CELF2: variants seen among roughly 807,000 people sequenced by gnomAD.
CELF2 encodes the protein CUGBP Elav-like family member 2, also known as CUG triplet repeat RNA-binding protein 2.
CELF2 carries 8 observed loss-of-function variants against 62.6 expected under a neutral mutation model. That is an observed-to-expected ratio of 0.13 (90% CI 0.07 to 0.23). The LOEUF (loss-of-function observed/expected upper bound fraction) is 0.23, where lower values mean the gene tolerates loss of function less well. CELF2 is among the 10% of genes least tolerant of loss of function. The probability of loss-of-function intolerance (pLI) is 1.00; values close to 1 mark genes in which losing one functional copy is unlikely to be tolerated. For synonymous variants in CELF2, 258 were observed against 250.0 expected (o/e 1.03, Z -0.30); for missense variants, 333 against 671.0 (o/e 0.50, Z 5.56).
chr10:10,646,331 A>G, the CELF2 span, among the ~76,000 whole-genome samples: 1 of 152,256 alleles, frequency 6.6e-6, no homozygotes, highest in South Asian at 2.1e-4. Flanking sequence ...TGCCTGGGAC[A>G]AATGGAAATC....
upstream of CELF2, among the ~76,000 whole-genome samples, chr10:10,794,366 T>C (rs964739493): frequency 6.6e-6 from 1 of 152,048 alleles, no homozygotes; most frequent in South Asian, 2.1e-4. Flanking sequence ...GAAAAAAAAC[T>C]AGGATAACCA....
chr10:10,522,923 T>C, the CELF2 span, among the ~76,000 whole-genome samples: 1 of 152,174 alleles, frequency 6.6e-6, no homozygotes, highest in South Asian at 2.1e-4. Flanking sequence ...GGAAGGCATT[T>C]AGTATGTGGT....
the CELF2 span, among the ~76,000 whole-genome samples, chr10:10,587,784 A>G: frequency 6.6e-6 from 1 of 152,134 alleles, no homozygotes; most frequent in Non-Finnish European, 1.5e-5. Flanking sequence ...TAATTTTACT[A>G]CTAAAGAAGC....
At chr10:11,155,366 C>G (rs1421280415) in intron 1 of CELF2, among the ~76,000 whole-genome samples, 4 of 152,098 alleles carry the variant, frequency 2.6e-5, no homozygotes, top group African/African-American at 9.7e-5. Context: ...GGTGTCTGCC[C>G]TCATCATGAC....
In CELF2 at chr10:11,165,037, CG is replaced by C. The variant is rs377055310; in HGVS notation, c.75-447del. 113 of 977,472 alleles carry C rather than the reference CG, an allele frequency of 1.2e-4. No homozygotes were observed. In the African/African-American group the frequency reaches 1.7e-3, roughly 15 times the overall value. The allele number at this position is 977,472 out of a possible 1,614,324, so 60.5% of individuals were successfully genotyped here. Reference sequence around the variant, plus strand: ...TCTTCCAAAAACCTCCCAAAAAGGGCGGTGGGGCGGGGGGCGGGGCAGGGAG... The same window carrying C: ...TCTTCCAAAAACCTCCCAAAAAGGGCGTGGGGCGGGGGGCGGGGCAGGGAG... On this transcript the variant is annotated intron_variant, in intron 1 of 12. Transcript: ENST00000633077. The surrounding 1 kb of genome is among the most constrained non-coding windows in gnomAD (Gnocchi z 7.4).
rs764299134 is a variant in CELF2 at position 11,227,787 on chromosome 10, G to A, written c.354+10280G>A. ...CTGGCACTTTCTACAACACTGTCAC[G>A]CATCAGGGACGAGGGTACCGAGTGA... On this transcript the variant is annotated intron_variant, in intron 3 of 12. Transcript: ENST00000633077. The surrounding 1 kb of genome is among the most constrained non-coding windows in gnomAD (Gnocchi z 4.8). Among the ~76,000 whole-genome samples the A allele has an allele frequency of 3.9e-5, 6 of 152,152 alleles. No homozygotes were observed. Among genetic ancestry groups the A allele is most frequent in the African/African-American group, 1.2e-4 (5 of 41,420 alleles).
At chr10:10,981,848 G>A (rs566177914) in intron 2 of CELF2, among the ~76,000 whole-genome samples, 1 of 152,054 alleles carries the variant, frequency 6.6e-6, no homozygotes, top group Non-Finnish European at 1.5e-5. Flanking sequence ...AGAAAACCGA[G>A]GCTTAGAAAG....
chr10:10,874,688 T>A (rs1310869023), intron 1 of CELF2, among the ~76,000 whole-genome samples: 1 of 152,176 alleles, frequency 6.6e-6, no homozygotes, highest in African/African-American at 2.4e-5. Flanking sequence ...TAATGGGAAG[T>A]CGTGAAATTC....
intron 2 of CELF2, among the ~76,000 whole-genome samples, chr10:10,930,189 T>G (rs2065924605): frequency 6.6e-6 from 1 of 152,226 alleles, no homozygotes; most frequent in South Asian, 2.1e-4. Flanking sequence ...AGTTACTCAC[T>G]GTGTGACCTA....
chr10:10,621,294 A>T, the CELF2 span, among the ~76,000 whole-genome samples: 5 of 151,734 alleles, frequency 3.3e-5, no homozygotes, highest in Non-Finnish European at 7.4e-5. Flanking sequence ...CAGATCCAAA[A>T]AACCTAATAT....
intron 1 of CELF2, among the ~76,000 whole-genome samples, chr10:11,067,101 T>C (rs2068378992): frequency 6.6e-6 from 1 of 152,218 alleles, no homozygotes; most frequent in Non-Finnish European, 1.5e-5. Context: ...AGCTTTTTTA[T>C]GTCTTTTAGC....
intron 1 of CELF2, among the ~76,000 whole-genome samples, chr10:10,861,256 T>C (rs1482060112): frequency 6.6e-6 from 1 of 152,060 alleles, no homozygotes; most frequent in Non-Finnish European, 1.5e-5. Context: ...TAACTTCTTG[T>C]AGAGATGGAA....
chr10:11,212,459 C>T (rs2062098728), intron 2 of CELF2, among the ~76,000 whole-genome samples: 1 of 152,242 alleles, frequency 6.6e-6, no homozygotes, highest in Non-Finnish European at 1.5e-5. Flanking sequence ...AGCAGAATCA[C>T]AGTGATGTGT....
Position 10,942,013 on chromosome 10 carries a change from C to G in CELF2, c.89+22014C>G, listed in dbSNP as rs182938692. Among the ~76,000 whole-genome samples the G allele has an allele frequency of 1.3e-3, 181 of 140,738 alleles. 1 individual carries two copies. The highest frequency in any genetic ancestry group is 4.7e-3 in the African/African-American group (178 of 37,724). 92.3% of individuals were successfully genotyped at this position (140,738 alleles called of 152,430 possible). On this transcript the variant is annotated intron_variant, in intron 2 of 13. Coordinates refer to the CELF2 transcript ENST00000636488. ...TCTCAAAAAAAAAAAAAAAAAAAATCAAAAGTTAATAATCTTCATAACATC... is the reference window on the plus strand; with the variant it reads ...TCTCAAAAAAAAAAAAAAAAAAAATGAAAAGTTAATAATCTTCATAACATC...
intron 2 of CELF2, among the ~76,000 whole-genome samples, chr10:11,166,005 C>T (rs1010275652): frequency 3.3e-5 from 5 of 152,220 alleles, no homozygotes; most frequent in African/African-American, 1.2e-4. Context: ...GGTTGCTTCT[C>T]CGAGGAATCG....
At chr10:11,135,771 C>T (rs955013777) in intron 1 of CELF2, among the ~76,000 whole-genome samples, 5 of 152,178 alleles carry the variant, frequency 3.3e-5, no homozygotes, top group African/African-American at 1.2e-4. Flanking sequence ...TGAATTTTTC[C>T]TGGAGTCCTA....
upstream of CELF2, among the ~76,000 whole-genome samples, chr10:11,013,882 GT>G (rs1473048644): frequency 2.0e-5 from 3 of 152,202 alleles, no homozygotes; most frequent in Non-Finnish European, 4.4e-5. This position sits in a 1 kb window ranked among gnomAD's most constrained non-coding sequence, Gnocchi z 4.1. Flanking sequence ...TATGTTTGGG[GT>G]TTTTTGTTAA....
chr10:11,292,469 T>G (rs1700636225), intron 9 of CELF2, among the ~76,000 whole-genome samples: 1 of 152,218 alleles, frequency 6.6e-6, no homozygotes, highest in African/African-American at 2.4e-5. Flanking sequence ...GATGTCTGCA[T>G]TTGCATCAGA....
the CELF2 span, among the ~76,000 whole-genome samples, chr10:10,602,988 C>T: frequency 1.3e-5 from 2 of 152,260 alleles, no homozygotes; most frequent in African/African-American, 2.4e-5. Flanking sequence ...CCAGGGAAAG[C>T]ACAAAGAGGG....
Sources: gnomAD v4.1 joint callset for allele counts (sites outside exome capture counted in the v4.1 genomes callset) on GRCh38, gnomAD v4.1.1 for gene constraint, Gnocchi (gnomAD v3.1) non-coding constraint, MANE v1.5 for transcripts, NCBI Gene and HGNC (gene_info 2026-07-23, HGNC 2026-07-21) for gene names.